ZBTB40: variants seen among roughly 807,000 people sequenced by gnomAD.
The protein encoded by ZBTB40 is zinc finger and BTB domain-containing protein 40.
Under a neutral mutation model 117.5 loss-of-function variants are expected in ZBTB40, and 60 were observed. The observed-to-expected ratio is 0.51, with a 90% confidence interval of 0.41 to 0.63. ZBTB40 has a LOEUF of 0.63. ZBTB40 is among the 30% of genes least tolerant of loss of function. The pLI is 0.00. For synonymous variants in ZBTB40, 525 were observed against 577.1 expected (o/e 0.91, Z 1.29); for missense variants, 1,287 against 1,498.5 (o/e 0.86, Z 2.33).
chr1:22,515,238 G>A (rs184656169), intron 12 of ZBTB40, among the ~76,000 whole-genome samples: 90 of 152,284 alleles, frequency 5.9e-4, no homozygotes, highest in African/African-American at 2.1e-3. Context: ...AAACTAGAAG[G>A]GGCTAAAGCA....
intron 1 of ZBTB40, among the ~76,000 whole-genome samples, chr1:22,429,104 C>G (rs1433232568): frequency 6.6e-6 from 1 of 152,162 alleles, no homozygotes; most frequent in African/African-American, 2.4e-5. Flanking sequence ...ATTCTTGGGC[C>G]GGGCGCGGTG....
intron 1 of ZBTB40, among the ~76,000 whole-genome samples, chr1:22,464,307 A>G (rs1326724337): frequency 6.6e-6 from 1 of 152,238 alleles, no homozygotes; most frequent in Non-Finnish European, 1.5e-5. Context: ...TACATTGCTC[A>G]TGAAAGCCGT....
At chr1:22,463,170 G>C (rs1203454575) in intron 1 of ZBTB40, among the ~76,000 whole-genome samples, 1 of 152,172 alleles carries the variant, frequency 6.6e-6, no homozygotes, top group East Asian at 1.9e-4. Flanking sequence ...AAATTTAGCT[G>C]GTAAGAGGGG....
At chr1:22,471,864 G>A (rs1349484232) in intron 1 of ZBTB40, among the ~76,000 whole-genome samples, 1 of 152,200 alleles carries the variant, frequency 6.6e-6, no homozygotes, top group Non-Finnish European at 1.5e-5. Flanking sequence ...AGGCCCACAC[G>A]GGAGCTGCAC....
Position 22,490,466 on chromosome 1 carries a change from C to T in ZBTB40, c.518C>T (p.Ala173Val). The part of the protein sequence containing the change: ...LAATPGGPVK[A>V]ETEEAAHSVS... Reference sequence around the variant, plus strand: ...GCCACTCCAGGGGGCCCTGTGAAAGCTGAGACTGAGGAAGCAGCCCATTCA... The same window carrying T: ...GCCACTCCAGGGGGCCCTGTGAAAGTTGAGACTGAGGAAGCAGCCCATTCA... Residue 173 changes from alanine (A) to valine (V), a missense_variant, in exon 2 of 18, where the codon GCT becomes GTT. Physicochemically the swap from Ala to Val is moderately conservative, Grantham distance 64. This residue lies in a region of ZBTB40 where 870 missense variants were observed against 934.4 expected (regional missense o/e 0.93). Transcript: ENST00000375647. The T allele has an allele frequency of 4.4e-6, 7 of 1,600,320 alleles. No homozygotes were observed. The highest frequency in any genetic ancestry group is 6.0e-6 in the Non-Finnish European group (7 of 1,172,640).
chr1:22,483,971 G>A (rs190307085), intron 1 of ZBTB40, among the ~76,000 whole-genome samples: 1 of 152,164 alleles, frequency 6.6e-6, no homozygotes, highest in African/African-American at 2.4e-5. Flanking sequence ...GTATGTGAAT[G>A]TCCAGTTGGT....
chr1:22,464,141 A>G (rs1384721575), intron 1 of ZBTB40, among the ~76,000 whole-genome samples: 1 of 152,224 alleles, frequency 6.6e-6, no homozygotes, highest in Non-Finnish European at 1.5e-5. Flanking sequence ...CAGCAGCCCA[A>G]TGAGAAAGGT....
intron 11 of ZBTB40, 138 bp from the exon 12 acceptor site, chr1:22,512,786 G>A (rs538431391): frequency 4.5e-5 from 42 of 937,528 alleles, no homozygotes; most frequent in Non-Finnish European, 5.5e-5. Flanking sequence ...GGGTACCAGC[G>A]TGGCCTGGCA....
At chr1:22,514,726 T>G (rs1639331613) in intron 12 of ZBTB40, among the ~76,000 whole-genome samples, 1 of 152,224 alleles carries the variant, frequency 6.6e-6, no homozygotes, top group Admixed American at 6.5e-5. Flanking sequence ...ATGTAGTATC[T>G]ACTTTAGTAA....
intron 1 of ZBTB40, among the ~76,000 whole-genome samples, chr1:22,445,093 A>G (rs1365164238): frequency 6.6e-6 from 1 of 152,056 alleles, no homozygotes; most frequent in East Asian, 1.9e-4. Context: ...ACTTGAATAC[A>G]TTTCCTATGG....
chr1:22,456,344 A>G (rs2124382605), intron 1 of ZBTB40, among the ~76,000 whole-genome samples: 1 of 152,246 alleles, frequency 6.6e-6, no homozygotes, highest in East Asian at 1.9e-4. Flanking sequence ...TTTAACTCCA[A>G]ATCCTCAAAA....
intron 1 of ZBTB40, among the ~76,000 whole-genome samples, chr1:22,464,348 G>A (rs1486132629): frequency 6.6e-6 from 1 of 152,134 alleles, no homozygotes; most frequent in Non-Finnish European, 1.5e-5. Context: ...GGTGTAGTTG[G>A]GCAACATTAC....
chr1:22,434,144 G>A (rs76917282), intron 1 of ZBTB40, among the ~76,000 whole-genome samples: 1 of 152,116 alleles, frequency 6.6e-6, no homozygotes, highest in Non-Finnish European at 1.5e-5. Context: ...CTAATGAGTA[G>A]GTGAAGAAAA....
intron 1 of ZBTB40, among the ~76,000 whole-genome samples, chr1:22,458,791 A>T (rs1362651759): frequency 6.6e-6 from 1 of 152,186 alleles, no homozygotes; most frequent in Non-Finnish European, 1.5e-5. Context: ...GGGTTTCACC[A>T]TGTTGCCCAG....
intron 1 of ZBTB40, among the ~76,000 whole-genome samples, chr1:22,436,617 T>C (rs941389067): frequency 3.3e-5 from 5 of 152,220 alleles, no homozygotes; most frequent in African/African-American, 1.2e-4. Context: ...GGTGAATGAA[T>C]ACACAAATTG....
intron 13 of ZBTB40, 86 bp downstream of exon 13, chr1:22,517,550 C>G (rs1639406172): frequency 4.0e-6 from 6 of 1,503,390 alleles, no homozygotes; most frequent in Non-Finnish European, 5.4e-6. Flanking sequence ...GTCAATCCAT[C>G]AGACCCAAGC....
intron 5 of ZBTB40, among the ~76,000 whole-genome samples, chr1:22,505,032 A>G (rs1639041065): frequency 6.6e-6 from 1 of 152,198 alleles, no homozygotes; most frequent in Non-Finnish European, 1.5e-5. Flanking sequence ...TGACAGCTTG[A>G]TTTATTATGT....
chr1:22,443,048 C>T (rs1193727998), intron 1 of ZBTB40, among the ~76,000 whole-genome samples: 1 of 152,142 alleles, frequency 6.6e-6, no homozygotes, highest in Non-Finnish European at 1.5e-5. Flanking sequence ...AGAAAAATCT[C>T]CTGATGCTTC....
In ZBTB40 at chr1:22,517,459, T is replaced by C. The variant is rs1056269365; in HGVS notation, c.2828T>C (p.Phe943Ser). The C allele has an allele frequency of 6.2e-7, 1 of 1,613,624 alleles. No individual in the cohort carries two copies. Among genetic ancestry groups the C allele is most frequent in the Non-Finnish European group, 8.5e-7 (1 of 1,179,948 alleles). ...ANGLSIHLHT[F>S]HNIEDPYDCK... Reference sequence around the variant, plus strand: ...GGCCTCTCCATCCATCTGCACACCTTTCACAGTATGTAGAGACTGTGGATC... The same window carrying C: ...GGCCTCTCCATCCATCTGCACACCTCTCACAGTATGTAGAGACTGTGGATC... The change falls in exon 13 of 18, where the codon TTT becomes TCT. Residue 943 changes from phenylalanine to serine, a missense_variant. By Grantham distance (155) the Phe-to-Ser change is radical. Coordinates refer to ENST00000375647, the MANE Select transcript of ZBTB40 (RefSeq NM_014870.4).
Sources: gnomAD v4.1 joint callset for allele counts (sites outside exome capture counted in the v4.1 genomes callset) on GRCh38, gnomAD v4.1.1 for gene constraint, gnomAD v4.1.1 regional missense constraint, MANE v1.5 for transcripts, NCBI Gene and HGNC (gene_info 2026-07-23, HGNC 2026-07-21) for gene names.